The following CNTNAP4 variants were observed in gnomAD, a reference collection of about 807,000 sequenced individuals.
CNTNAP4 encodes contactin-associated protein-like 4.
CNTNAP4 carries 98 observed loss-of-function variants against 148.4 expected under a neutral mutation model. The ratio of observed to expected loss-of-function variants is 0.66; its 90% CI spans 0.56 to 0.78. The LOEUF (loss-of-function observed/expected upper bound fraction) is 0.78, where lower values mean the gene tolerates loss of function less well. CNTNAP4 is among the 30% of genes least tolerant of loss of function. CNTNAP4 has a pLI of 0.00. For synonymous variants in CNTNAP4, 730 were observed against 565.1 expected (o/e 1.29, Z -4.14); for missense variants, 1,935 against 1,565.6 (o/e 1.24, Z -3.98).
chr16:76,420,510 C>A (rs974307250), intron 3 of CNTNAP4, among the ~76,000 whole-genome samples: 3 of 151,914 alleles, frequency 2.0e-5, no homozygotes, highest in African/African-American at 7.2e-5. Context: ...CCTTTAATCT[C>A]CGTGCGGGGC....
At chr16:76,491,171 A>G (rs1260358595) in intron 13 of CNTNAP4, among the ~76,000 whole-genome samples, 1 of 151,952 alleles carries the variant, frequency 6.6e-6, no homozygotes, top group East Asian at 1.9e-4. Context: ...CTTTTTTAGA[A>G]TGTTTTCATT....
intron 10 of CNTNAP4, 50 bp from the exon 11 acceptor site, chr16:76,475,889 T>TA (rs779294210): frequency 7.6e-7 from 1 of 1,314,914 alleles, no homozygotes; most frequent in East Asian, 2.3e-5. Context: ...GTCAATACTT[T>TA]AAGATATCTA....
At chr16:76,344,682 TGAGA>T (rs1567786209) in intron 2 of CNTNAP4, among the ~76,000 whole-genome samples, 2 of 152,232 alleles carry the variant, frequency 1.3e-5, no homozygotes, top group African/African-American at 4.8e-5. Context: ...ATTGTCAAGA[TGAGA>T]GAGATTCTAT....
At chr16:76,331,348 C>T (rs554452965) in intron 2 of CNTNAP4, among the ~76,000 whole-genome samples, 76 of 151,888 alleles carry the variant, frequency 5.0e-4, no homozygotes, top group Admixed American at 4.7e-3. Context: ...CCACCATGCT[C>T]GGCTAATTTT....
intron 10 of CNTNAP4, among the ~76,000 whole-genome samples, chr16:76,470,761 A>G (rs1201122487): frequency 2.6e-5 from 4 of 152,180 alleles, no homozygotes; most frequent in Middle Eastern, 3.2e-3. Flanking sequence ...TAATACTTTA[A>G]GTTGGCTCAA....
At chr16:76,366,922 C>T (rs540234757) in intron 3 of CNTNAP4, among the ~76,000 whole-genome samples, 1 of 152,088 alleles carries the variant, frequency 6.6e-6, no homozygotes, top group Non-Finnish European at 1.5e-5. Context: ...GCTATTCATT[C>T]TCCCTAAAAT....
intron 8 of CNTNAP4, among the ~76,000 whole-genome samples, chr16:76,460,653 C>T (rs866834660): frequency 7.0e-6 from 1 of 142,844 alleles, no homozygotes; most frequent in Middle Eastern, 4.0e-3. Flanking sequence ...GTCCCAGCTA[C>T]ATTGAAGGAG....
At chr16:76,316,773 T>A (rs1318186402) in intron 2 of CNTNAP4, among the ~76,000 whole-genome samples, 1 of 152,182 alleles carries the variant, frequency 6.6e-6, no homozygotes, top group Non-Finnish European at 1.5e-5. Flanking sequence ...CTAAATATTT[T>A]CTACAATAAT....
At chr16:76,296,965 T>A (rs1011126878) in intron 1 of CNTNAP4, among the ~76,000 whole-genome samples, 4 of 152,180 alleles carry the variant, frequency 2.6e-5, no homozygotes, top group African/African-American at 9.7e-5. Context: ...GTTACATTTT[T>A]AAAATATGCC....
intron 1 of CNTNAP4, among the ~76,000 whole-genome samples, chr16:76,308,226 A>T (rs1467891978): frequency 6.6e-6 from 1 of 152,172 alleles, no homozygotes. Context: ...GTTAATTTTC[A>T]TGTCAATGTC....
At chr16:76,346,987 T>C (rs1161887652) in intron 2 of CNTNAP4, among the ~76,000 whole-genome samples, 1 of 152,190 alleles carries the variant, frequency 6.6e-6, no homozygotes, top group Non-Finnish European at 1.5e-5. Context: ...GACAATTTAG[T>C]GAGGTATTAT....
chr16:76,320,455 C>T (rs1962288089), intron 2 of CNTNAP4, among the ~76,000 whole-genome samples: 1 of 152,100 alleles, frequency 6.6e-6, no homozygotes, highest in Non-Finnish European at 1.5e-5. Context: ...TTTGCATGCT[C>T]TGAAGAGAAC....
intron 3 of CNTNAP4, among the ~76,000 whole-genome samples, chr16:76,414,624 G>A (rs1356589376): frequency 6.6e-6 from 1 of 151,274 alleles, no homozygotes; most frequent in Non-Finnish European, 1.5e-5. Flanking sequence ...TAAATGTTTA[G>A]AAGAATTCAC....
intron 8 of CNTNAP4, among the ~76,000 whole-genome samples, chr16:76,454,629 G>A (rs774580910): frequency 1.4e-4 from 22 of 151,942 alleles, no homozygotes; most frequent in Non-Finnish European, 2.4e-4. Context: ...GCTAGTTCCC[G>A]TGAAGCAAGT....
At position 76,539,573 on chromosome 16, in the gene CNTNAP4, A is replaced by C. The variant is rs549000749; in HGVS notation, c.3221-146A>C. 44 of 651,174 alleles carry C rather than the reference A, an allele frequency of 6.8e-5. No homozygotes were observed. In the African/African-American group the frequency reaches 7.6e-4, roughly 11 times the overall value. The allele number at this position is 651,174 out of a possible 1,614,324, so 40.3% of individuals were successfully genotyped here. A position where few individuals can be genotyped will look rare whatever the true frequency, so the allele number is the denominator to read the frequency against. ...TACATTATTGCAATTTCACTTGGAA[A>C]CTGACTCTTGGGGATTATAAAAAGG... On this transcript the variant is annotated intron_variant, in intron 19 of 23. Coordinates refer to ENST00000611870, the MANE Select transcript of CNTNAP4 (RefSeq NM_033401.5).
At chr16:76,437,826 A>G (rs2079887861) in intron 4 of CNTNAP4, among the ~76,000 whole-genome samples, 1 of 152,188 alleles carries the variant, frequency 6.6e-6, no homozygotes, top group Non-Finnish European at 1.5e-5. Flanking sequence ...CACTAAATAA[A>G]TGACTGGTTC....
chr16:76,478,814 C>T (rs1206610955), intron 11 of CNTNAP4, among the ~76,000 whole-genome samples: 1 of 152,052 alleles, frequency 6.6e-6, no homozygotes, highest in Non-Finnish European at 1.5e-5. Flanking sequence ...CTTGAGTTCT[C>T]ATTATGGAGC....
intron 1 of CNTNAP4, among the ~76,000 whole-genome samples, chr16:76,300,743 T>C (rs966573815): frequency 1.3e-5 from 2 of 152,132 alleles, no homozygotes; most frequent in African/African-American, 4.8e-5. Context: ...ATTAACATTT[T>C]TCTCTAGAGG....
intron 15 of CNTNAP4, among the ~76,000 whole-genome samples, chr16:76,515,238 A>G (rs773476784): frequency 2.4e-4 from 36 of 152,208 alleles, no homozygotes; most frequent in Admixed American, 2.1e-3. Context: ...TCAAAAGTTG[A>G]CAGTTAAAAA....
Sources: allele counts gnomAD v4.1 joint callset (sites outside exome capture counted in the v4.1 genomes callset), GRCh38; gene constraint gnomAD v4.1.1; transcripts MANE v1.5; gene names NCBI Gene and HGNC (gene_info 2026-07-23, HGNC 2026-07-21).